Variants in CLGN observed in about 807,000 individuals in gnomAD.
CLGN encodes calmegin, also known as testis tissue sperm-binding protein Li 79P.
Under a neutral mutation model 79.1 loss-of-function variants are expected in CLGN, and 62 were observed. The observed-to-expected ratio is 0.78, with a 90% CI of 0.64 to 0.97. The LOEUF (loss-of-function observed/expected upper bound fraction) is 0.97. Ranked by LOEUF, CLGN falls within the 50% of genes least tolerant of loss-of-function variation. The pLI is 0.00. For synonymous variants in CLGN, 225 were observed against 224.7 expected, an observed-to-expected ratio of 1.00 and a Z score of -0.01; for missense variants, 647 against 715.5, an observed-to-expected ratio of 0.90 and a Z score of 1.09.
Position 140,400,381 on chromosome 4 carries a change from T to C in CLGN, c.670A>G (p.Arg224Gly), listed in dbSNP as rs762851837. 9 of 1,611,440 alleles carry C rather than the reference T, an allele frequency of 5.6e-6. No homozygotes were observed. The African/African-American group carries it at 1.1e-4, about 19-fold the overall frequency. The change falls in exon 7 of 15, where the codon AGG becomes GGG. Residue 224 changes from arginine (R) to glycine (G), a missense_variant. Transcript: ENST00000325617. ...DVDLKKFFTD[R>G]KTHLYTLVMN... ...CCAAGGGTATAAAGATGAGTCTTCC[T>C]GTCTGTAAAGAACTTTTTAAGGTCT...
At chr4:140,424,778 A>G (rs1416288223) in intron 1 of CLGN, among the ~76,000 whole-genome samples, 1 of 152,218 alleles carries the variant, frequency 6.6e-6, no homozygotes, top group African/African-American at 2.4e-5. Context: ...CTGAAGAACT[A>G]CATCCTTCTG....
chr4:140,415,339 C>A (rs1578606206), intron 1 of CLGN, among the ~76,000 whole-genome samples: 1 of 150,690 alleles, frequency 6.6e-6, no homozygotes, highest in Non-Finnish European at 1.5e-5. Context: ...GGATCAAATT[C>A]ACACATAACA....
At chr4:140,396,896 T>TAGAC (rs1728895404) in intron 8 of CLGN, among the ~76,000 whole-genome samples, 1 of 72,990 alleles carries the variant, frequency 1.4e-5, no homozygotes, top group Non-Finnish European at 2.9e-5. Flanking sequence ...TATATGTATA[T>TAGAC]ATATATATAT....
At chr4:140,395,709 T>G in intron 10 of CLGN, 110 bp downstream of exon 10, 2 of 920,428 alleles carry the variant, frequency 2.2e-6, no homozygotes, top group East Asian at 6.2e-5. Flanking sequence ...TTTGACATCT[T>G]AAAATTAAAA....
chr4:140,400,588 A>G lies in CLGN; in HGVS notation c.502-39T>C, dbSNP rs764512069. 18 of 1,322,606 alleles carry G rather than the reference A, an allele frequency of 1.4e-5. No individual in the cohort carries two copies. In the East Asian group the frequency reaches 1.4e-4, roughly 10 times the overall value. The allele number at this position is 1,322,606 out of a possible 1,614,324, so 81.9% of individuals were successfully genotyped here. ...TGAGTGTTGGCATTAGTCCAGAATC[A>G]CAGACTATTTAATGCATTTCTGTAT... On this transcript the variant is annotated intron_variant, in intron 6 of 14. Transcript: ENST00000325617.
At chr4:140,408,052 C>A (rs1047042846) in intron 4 of CLGN, among the ~76,000 whole-genome samples, 2 of 151,832 alleles carry the variant, frequency 1.3e-5, no homozygotes, top group African/African-American at 4.8e-5. Context: ...GATCTTTGAC[C>A]AAGCATACAA....
intron 2 of CLGN, 94 bp from the exon 3 acceptor site, chr4:140,410,720 C>T (rs1049243558): frequency 1.2e-5 from 9 of 753,332 alleles, no homozygotes; most frequent in Non-Finnish European, 2.0e-5. Flanking sequence ...ATGTAATGCA[C>T]ATACAGGTAA....
chr4:140,412,205 T>A (rs776457685), intron 2 of CLGN, among the ~76,000 whole-genome samples: 7 of 152,098 alleles, frequency 4.6e-5, no homozygotes, highest in Non-Finnish European at 8.8e-5. Context: ...CAATGAAAAA[T>A]TCTTAATAAG....
At chr4:140,391,290 T>C (rs1728766645) in intron 13 of CLGN, among the ~76,000 whole-genome samples, 1 of 151,776 alleles carries the variant, frequency 6.6e-6, no homozygotes, top group Non-Finnish European at 1.5e-5. Context: ...GTAGTTCCAA[T>C]GTGGGACTAC....
chr4:140,417,069 C>T (rs1052447390), intron 1 of CLGN, among the ~76,000 whole-genome samples: 2 of 148,306 alleles, frequency 1.3e-5, no homozygotes, highest in African/African-American at 5.0e-5. Context: ...TAAATGTAAT[C>T]CAGCATATAA....
chr4:140,416,619 C>T (rs1183568081), intron 1 of CLGN, among the ~76,000 whole-genome samples: 3 of 149,388 alleles, frequency 2.0e-5, no homozygotes, highest in Admixed American at 1.3e-4. Flanking sequence ...ATACATTCCT[C>T]GACACATACA....
chr4:140,393,800 A>G, intron 11 of CLGN, 26 bp downstream of exon 11: 1 of 1,590,260 alleles, frequency 6.3e-7, no homozygotes, highest in Non-Finnish European at 8.6e-7. Context: ...TAGTTATATC[A>G]CTACTGCTAT....
At chr4:140,413,358 A>G (rs553384600) in intron 1 of CLGN, among the ~76,000 whole-genome samples, 5 of 152,346 alleles carry the variant, frequency 3.3e-5, no homozygotes, top group African/African-American at 1.2e-4. Context: ...AGGAGCCAAG[A>G]TGGCCGAATA....
chr4:140,389,139 C>T lies in CLGN; in HGVS notation c.*85G>A. On this transcript the variant is annotated 3_prime_UTR_variant, in exon 15 of 15. Transcript: ENST00000325617. ...TGCTAGATATTAGAAACAGGATGTG[C>T]AGACTGATTAAAGTTCAGGTCTGGC... 2.1e-6 allele frequency: 2 copies of T among 964,252 alleles called. No homozygotes were observed. The highest frequency in any genetic ancestry group is 3.4e-6 in the Non-Finnish European group (2 of 596,002). 59.7% of individuals were successfully genotyped at this position (964,252 alleles called of 1,614,324 possible). A position where few individuals can be genotyped will look rare whatever the true frequency, so the allele number is the denominator to read the frequency against.
Position 140,393,899 on chromosome 4 carries a change from G to A in CLGN, c.1292C>T (p.Ser431Leu), listed in dbSNP as rs139581390. The A allele has an allele frequency of 1.2e-5, 20 of 1,613,320 alleles. No homozygotes were observed. Among genetic ancestry groups the A allele is most frequent in the South Asian group, 5.5e-5 (5 of 91,006 alleles). Reference sequence around the variant, plus strand: ...CCAGTGATCTGCTACTTCCTTTTCCGAACAGATAATAAAATTATCAAAGTA... The same window carrying A: ...CCAGTGATCTGCTACTTCCTTTTCCAAACAGATAATAAAATTATCAAAGTA... ...DIYFDNFIIC[S>L]EKEVADHWAA... The change falls in exon 11 of 15, where the codon TCG (serine) becomes TTG (leucine). Residue 431 changes from serine to leucine, a missense_variant. Coordinates refer to ENST00000325617, the MANE Select transcript of CLGN (RefSeq NM_004362.3).
At position 140,396,897 on chromosome 4, in the gene CLGN, A is replaced by G. The variant is rs1442857977; in HGVS notation, c.885-692T>C. On this transcript the variant is annotated intron_variant, in intron 8 of 14. Coordinates refer to ENST00000325617, the MANE Select transcript of CLGN (RefSeq NM_004362.3). ...TACATATATATATATATATGTATAT[A>G]TATATATATGTATATATATATATAT... Among the ~76,000 whole-genome samples, 472 of 75,414 alleles carry G rather than the reference A, an allele frequency of 6.3e-3. 6 individuals carry two copies. The highest frequency in any genetic ancestry group is 0.019 in the African/African-American group (435 of 22,842). 49.5% of individuals were successfully genotyped at this position (75,414 alleles called of 152,430 possible). A position where few individuals can be genotyped will look rare whatever the true frequency, so the allele number is the denominator to read the frequency against.
Position 140,392,310 on chromosome 4 carries a change from C to T in CLGN, c.1560G>A (p.Glu520=). Residue 520 remains glutamate (E), a synonymous_variant, in exon 13 of 15, where the codon GAG becomes GAA. Coordinates refer to ENST00000325617, the MANE Select transcript of CLGN (RefSeq NM_004362.3). Reference sequence around the variant, plus strand: ...CTGCTTTCTCTTCCTTTTCTTCTTGCTCTAGTACTCCTTTTGTTTGTGGTA... The same window carrying T: ...CTGCTTTCTCTTCCTTTTCTTCTTGTTCTAGTACTCCTTTTGTTTGTGGTA... The part of the protein sequence containing the change: ...ICIPQTKGVL[E]QEEKEEKAAL... 9 of 1,613,312 alleles carry T rather than the reference C, an allele frequency of 5.6e-6. No individual in the cohort carries two copies. Among genetic ancestry groups the T allele is most frequent in the Non-Finnish European group, 7.6e-6 (9 of 1,179,546 alleles).
intron 1 of CLGN, among the ~76,000 whole-genome samples, chr4:140,420,701 GTTA>G (rs1266712885): frequency 6.6e-6 from 1 of 152,100 alleles, no homozygotes; most frequent in African/African-American, 2.4e-5. Flanking sequence ...GTGCCAACAT[GTTA>G]TTAAGTTCCA....
intron 14 of CLGN, among the ~76,000 whole-genome samples, chr4:140,390,401 G>A (rs765427947): frequency 5.9e-5 from 9 of 151,582 alleles, no homozygotes; most frequent in Non-Finnish European, 1.0e-4. Context: ...TTTATATTTT[G>A]TACGCCACAG....
Sources: gnomAD v4.1 joint callset for allele counts (sites outside exome capture counted in the v4.1 genomes callset) on GRCh38, gnomAD v4.1.1 for gene constraint, MANE v1.5 for transcripts, NCBI Gene and HGNC (gene_info 2026-07-23, HGNC 2026-07-21) for gene names.